Variants in PPP1R12A observed in about 807,000 individuals in gnomAD.
PPP1R12A encodes the protein protein phosphatase 1 regulatory subunit 12A.
A neutral mutation model predicts 139.6 loss-of-function variants in PPP1R12A; 19 were observed. That is an observed-to-expected ratio of 0.14 (90% CI 0.09 to 0.20). The LOEUF (loss-of-function observed/expected upper bound fraction) is 0.20. Among genes scored for constraint, PPP1R12A ranks in the 10% least tolerant of loss-of-function variants. The pLI is 1.00. For synonymous variants in PPP1R12A, 427 were observed against 420.6 expected (o/e 1.02, Z -0.19); for missense variants, 925 against 1,211.5 (o/e 0.76, Z 3.51).
At chr12:79,800,498 T>G (rs1003671401) in intron 14 of PPP1R12A, among the ~76,000 whole-genome samples, 2 of 152,320 alleles carry the variant, frequency 1.3e-5, no homozygotes, top group African/African-American at 4.8e-5. Flanking sequence ...CAACTGCTTA[T>G]GTTATTGGTA....
intron 2 of PPP1R12A, among the ~76,000 whole-genome samples, chr12:79,849,398 A>G (rs941008939): frequency 6.6e-6 from 1 of 151,080 alleles, no homozygotes; most frequent in Non-Finnish European, 1.5e-5. Flanking sequence ...AAGGGGGGAA[A>G]AAAAAAAGAA....
intron 1 of PPP1R12A, among the ~76,000 whole-genome samples, chr12:79,915,379 T>C (rs1431783976): frequency 1.3e-5 from 2 of 152,210 alleles, no homozygotes; most frequent in Admixed American, 1.3e-4. Flanking sequence ...TGCTAAGATC[T>C]GCTGAACAGC....
chr12:79,828,562 T>C, intron 4 of PPP1R12A, 98 bp from the exon 5 acceptor site: 4 of 948,508 alleles, frequency 4.2e-6, no homozygotes, highest in Non-Finnish European at 5.9e-6. Context: ...CAATTTTCAA[T>C]TAATTTCTTT....
chr12:79,797,256 T>G lies in PPP1R12A; in HGVS notation c.2231A>C (p.Lys744Thr), dbSNP rs765758807. 3 of 1,587,940 alleles carry G rather than the reference T, an allele frequency of 1.9e-6. No individual in the cohort carries two copies. Among genetic ancestry groups the G allele is most frequent in the Non-Finnish European group, 1.7e-6 (2 of 1,165,800 alleles). Residue 744 changes from lysine to threonine, a missense_variant, in exon 16 of 25, where the codon AAG becomes ACG. Transcript: ENST00000450142. ...KQDKEKQEEKKESETSREDEY... is the reference protein window; with the variant it reads ...KQDKEKQEEKTESETSREDEY... ...ATCTTCTCTAGATGTTTCTGACTCC[T>G]TCTTTTCTTCTTGTTTCTCTTTATC...
chr12:79,890,905 CCACACACACACACACA>C (rs1303227049), intron 1 of PPP1R12A, among the ~76,000 whole-genome samples: 3 of 115,680 alleles, frequency 2.6e-5, no homozygotes, highest in Non-Finnish European at 5.1e-5. Flanking sequence ...CCACACCCAC[CCACACACACACACACA>C]CACACACACA....
At chr12:79,903,899 C>G (rs1241410886) in intron 1 of PPP1R12A, among the ~76,000 whole-genome samples, 1 of 152,178 alleles carries the variant, frequency 6.6e-6, no homozygotes, top group African/African-American at 2.4e-5. Context: ...CTACCTCTCC[C>G]TCCCAACACA....
chr12:79,846,123 T>A (rs911980424), intron 2 of PPP1R12A, among the ~76,000 whole-genome samples: 3 of 142,508 alleles, frequency 2.1e-5, no homozygotes, highest in African/African-American at 8.9e-5. Context: ...TAAAATTAGC[T>A]ATTAAACCCA....
chr12:79,805,544 C>T (rs750159318), intron 14 of PPP1R12A, 48 bp downstream of exon 14: 2 of 1,541,942 alleles, frequency 1.3e-6, no homozygotes, highest in Non-Finnish European at 1.8e-6. Flanking sequence ...AAACAACTTT[C>T]ATCACTGGGC....
chr12:79,849,158 C>T (rs1303608993), intron 2 of PPP1R12A, among the ~76,000 whole-genome samples: 1 of 152,038 alleles, frequency 6.6e-6, no homozygotes, highest in Non-Finnish European at 1.5e-5. Flanking sequence ...CCAAGGTGGG[C>T]AGATCATCTG....
intron 14 of PPP1R12A, among the ~76,000 whole-genome samples, chr12:79,801,205 C>T (rs1214140293): frequency 2.7e-5 from 4 of 150,790 alleles, no homozygotes; most frequent in Admixed American, 6.6e-5. Context: ...ATTAGCCGGG[C>T]GTGGTGGCGC....
At chr12:79,831,229 G>A (rs1877381114) in intron 4 of PPP1R12A, among the ~76,000 whole-genome samples, 3 of 151,982 alleles carry the variant, frequency 2.0e-5, no homozygotes, top group Admixed American at 1.3e-4. Flanking sequence ...CTAATAAAAA[G>A]GCAACACTGC....
chr12:79,821,857 C>CT (rs927773468), intron 6 of PPP1R12A, among the ~76,000 whole-genome samples: 13 of 151,912 alleles, frequency 8.6e-5, no homozygotes, highest in African/African-American at 3.1e-4. Context: ...GTAAAACACT[C>CT]TAATGAAATT....
Position 79,786,095 on chromosome 12 carries a change from G to A in PPP1R12A, c.2907+279C>T, listed in dbSNP as rs1871094499. Among the ~76,000 whole-genome samples the A allele has an allele frequency of 3.9e-5, 6 of 152,234 alleles. No homozygotes were observed. The South Asian group carries it at 1.0e-3, about 26-fold the overall frequency. ...ATGATTCTGTATAGATGCTTTTAAT[G>A]TTTTAATGACTTGCTACATTTGGTA... On this transcript the variant is annotated intron_variant, in intron 22 of 24. Coordinates refer to ENST00000450142, the MANE Select transcript of PPP1R12A (RefSeq NM_002480.3).
Position 79,797,243 on chromosome 12 carries a change from T to C in PPP1R12A, c.2244A>G (p.Thr748=), listed in dbSNP as rs754167696. The C allele has an allele frequency of 1.3e-6, 2 of 1,589,720 alleles. No homozygotes were observed. The highest frequency in any genetic ancestry group is 4.5e-5 in the East Asian group (2 of 44,432). ...TTTGTTTATATTCATCTTCTCTAGA[T>C]GTTTCTGACTCCTTCTTTTCTTCTT... ...EKQEEKKESE[T]SREDEYKQKY... Residue 748 remains threonine (T), a synonymous_variant, in exon 16 of 25, where the codon ACA becomes ACG. Coordinates refer to ENST00000450142, the MANE Select transcript of PPP1R12A (RefSeq NM_002480.3).
chr12:79,806,477 T>C (rs1222377709), intron 12 of PPP1R12A, 144 bp from the exon 13 acceptor site: 4 of 695,606 alleles, frequency 5.8e-6, no homozygotes, highest in Non-Finnish European at 9.3e-6. Flanking sequence ...GCACCAAGAG[T>C]TGCATCTACA....
At chr12:79,841,612 TC>T (rs750409093) in intron 3 of PPP1R12A, among the ~76,000 whole-genome samples, 2 of 152,224 alleles carry the variant, frequency 1.3e-5, no homozygotes, top group Non-Finnish European at 2.9e-5. Context: ...CAAGAAATTT[TC>T]AGTACAACTC....
intron 1 of PPP1R12A, among the ~76,000 whole-genome samples, chr12:79,896,890 T>C (rs998095488): frequency 1.3e-5 from 2 of 152,198 alleles, no homozygotes; most frequent in Admixed American, 1.3e-4. Flanking sequence ...TATCTAGTTA[T>C]CCATTCTCAT....
At chr12:79,876,486 A>G (rs1227650136) in intron 1 of PPP1R12A, among the ~76,000 whole-genome samples, 2 of 152,186 alleles carry the variant, frequency 1.3e-5, no homozygotes, top group African/African-American at 4.8e-5. Flanking sequence ...AGGAAATGAT[A>G]GGGCTGGGAA....
At chr12:79,929,716 C>T (rs913269980) in intron 1 of PPP1R12A, among the ~76,000 whole-genome samples, 7 of 151,786 alleles carry the variant, frequency 4.6e-5, no homozygotes, top group Admixed American at 2.6e-4. Context: ...TTGCAGTAAG[C>T]CAAGATTACA....
Sources: gnomAD v4.1 joint callset for allele counts (sites outside exome capture counted in the v4.1 genomes callset) on GRCh38, gnomAD v4.1.1 for gene constraint, MANE v1.5 for transcripts, NCBI Gene and HGNC (gene_info 2026-07-23, HGNC 2026-07-21) for gene names.